Variants in ODAD2 observed in about 807,000 individuals in gnomAD.
The protein encoded by ODAD2 is outer dynein arm-docking complex subunit 2.
In ODAD2, 89 loss-of-function variants were observed where a neutral mutation model predicts 106.8. The observed-to-expected ratio is 0.83, with a 90% confidence interval of 0.70 to 0.99. The LOEUF is 0.99. Among genes scored for constraint, ODAD2 ranks in the 50% least tolerant of loss-of-function variants. ODAD2 has a pLI of 0.00. For missense variants in ODAD2, 1,168 were observed against 1,238.5 expected, an observed-to-expected ratio of 0.94 and a Z score of 0.85; for synonymous variants, 404 against 436.2, an observed-to-expected ratio of 0.93 and a Z score of 0.92.
chr10:27,867,954 GAA>G, intron 17 of ODAD2, among the ~76,000 whole-genome samples: 1 of 127,562 alleles, frequency 7.8e-6, no homozygotes, highest in South Asian at 2.5e-4. Flanking sequence ...GTCTCAAAAA[GAA>G]AAAAAAAAAG....
intron 19 of ODAD2, among the ~76,000 whole-genome samples, chr10:27,832,678 A>T (rs1479298629): frequency 6.6e-6 from 1 of 152,160 alleles, no homozygotes; most frequent in Non-Finnish European, 1.5e-5. Context: ...AGCACACGTG[A>T]CCAGGAATGC....
intron 17 of ODAD2, among the ~76,000 whole-genome samples, chr10:27,895,866 C>T (rs140579826): frequency 6.6e-6 from 1 of 152,298 alleles, no homozygotes; most frequent in African/African-American, 2.4e-5. Context: ...TCCTGAAGTA[C>T]CCTTCTGCCT....
chr10:27,883,998 G>A (rs1197230892), intron 17 of ODAD2, among the ~76,000 whole-genome samples: 3 of 151,994 alleles, frequency 2.0e-5, no homozygotes, highest in East Asian at 3.9e-4. Flanking sequence ...AGAAGAGAAA[G>A]AGGCAGAAAG....
chr10:27,919,378 A>G (rs1450758802), intron 16 of ODAD2, among the ~76,000 whole-genome samples: 1 of 152,078 alleles, frequency 6.6e-6, no homozygotes, highest in Non-Finnish European at 1.5e-5. Context: ...CTCAAAAGGA[A>G]GTCTTAATGC....
chr10:27,930,702 T>C (rs60695014), intron 16 of ODAD2, among the ~76,000 whole-genome samples: 24,209 of 151,762 alleles, frequency 0.16, 2,908 homozygotes, highest in African/African-American at 0.34. Context: ...TAAGAAACAA[T>C]ATACTGTTTT....
intron 17 of ODAD2, among the ~76,000 whole-genome samples, chr10:27,876,355 T>C (rs2133507165): frequency 6.6e-6 from 1 of 152,310 alleles, no homozygotes; most frequent in African/African-American, 2.4e-5. Context: ...AGCCTCCAGA[T>C]GAACGATCAG....
chr10:27,961,526 T>C (rs751458672), intron 10 of ODAD2, 42 bp downstream of exon 10: 1 of 1,552,156 alleles, frequency 6.4e-7, no homozygotes, highest in Admixed American at 1.9e-5. Flanking sequence ...GGAAAGTATT[T>C]TAAATGAACA....
intron 16 of ODAD2, among the ~76,000 whole-genome samples, chr10:27,934,493 G>A (rs1313424091): frequency 6.6e-6 from 1 of 150,476 alleles, no homozygotes; most frequent in African/African-American, 2.4e-5. Flanking sequence ...CTCTCTATAT[G>A]TATATTGTAT....
At chr10:27,980,057 T>A (rs577376135) in intron 7 of ODAD2, among the ~76,000 whole-genome samples, 33 of 152,306 alleles carry the variant, frequency 2.2e-4, no homozygotes, top group African/African-American at 7.7e-4. Flanking sequence ...TCAACAAGAA[T>A]GCTGAGACCA....
chr10:27,915,056 T>C (rs987981363), intron 16 of ODAD2, among the ~76,000 whole-genome samples: 3 of 152,004 alleles, frequency 2.0e-5, no homozygotes, highest in African/African-American at 7.2e-5. Flanking sequence ...TTCCCCCAAA[T>C]TGATGGCAGA....
intron 17 of ODAD2, among the ~76,000 whole-genome samples, chr10:27,889,434 A>G (rs1842425287): frequency 6.6e-6 from 1 of 152,246 alleles, no homozygotes; most frequent in Non-Finnish European, 1.5e-5. Flanking sequence ...AAGCACAGAT[A>G]TAATCATCGT....
chr10:27,943,954 C>T (rs1398257358), intron 12 of ODAD2, among the ~76,000 whole-genome samples: 1 of 152,014 alleles, frequency 6.6e-6, no homozygotes, highest in Non-Finnish European at 1.5e-5. Flanking sequence ...GGATGCATTC[C>T]TAACAACGTA....
At chr10:27,826,926 C>T (rs1019713123) in intron 19 of ODAD2, among the ~76,000 whole-genome samples, 4 of 152,052 alleles carry the variant, frequency 2.6e-5, no homozygotes, top group Admixed American at 1.3e-4. Context: ...TCCTCACTCT[C>T]CTTCTCAGCC....
At chr10:27,910,787 A>C (rs1227519514) in intron 16 of ODAD2, among the ~76,000 whole-genome samples, 3 of 152,036 alleles carry the variant, frequency 2.0e-5, no homozygotes, top group East Asian at 1.9e-4. Flanking sequence ...AACAAACAAA[A>C]AAACAGATAC....
chr10:27,942,316 C>G (rs143140554), intron 12 of ODAD2, among the ~76,000 whole-genome samples: 1 of 152,072 alleles, frequency 6.6e-6, no homozygotes, highest in African/African-American at 2.4e-5. Flanking sequence ...CTTAAATGTA[C>G]GTATAGGTCA....
chr10:27,913,841 T>C (rs1424351803), intron 16 of ODAD2, among the ~76,000 whole-genome samples: 1 of 152,172 alleles, frequency 6.6e-6, no homozygotes, highest in Non-Finnish European at 1.5e-5. Context: ...TAACAGATGC[T>C]GGCAAGGTTG....
intron 1 of ODAD2, among the ~76,000 whole-genome samples, chr10:27,996,036 G>C (rs1462496563): frequency 6.6e-6 from 1 of 152,208 alleles, no homozygotes; most frequent in Non-Finnish European, 1.5e-5. Context: ...ATAGAAATTA[G>C]TCTGTAAAAG....
At chr10:27,962,005 G>A (rs1264160595) in intron 9 of ODAD2, among the ~76,000 whole-genome samples, 2 of 152,116 alleles carry the variant, frequency 1.3e-5, no homozygotes, top group East Asian at 3.9e-4. Context: ...AGTCTGAGCT[G>A]CAGTAAACCT....
At chr10:27,862,299 C>A in intron 18 of ODAD2, 135 bp downstream of exon 18, 2 of 544,774 alleles carry the variant, frequency 3.7e-6, no homozygotes, top group South Asian at 4.9e-5. Context: ...AATGAGTTGA[C>A]CAAATCTCAT....
Sources: allele counts gnomAD v4.1 joint callset (sites outside exome capture counted in the v4.1 genomes callset), GRCh38; gene constraint gnomAD v4.1.1; transcripts MANE v1.5; gene names NCBI Gene and HGNC (gene_info 2026-07-23, HGNC 2026-07-21).